Variants in SLC9A9 observed in about 807,000 individuals in gnomAD.
SLC9A9 encodes the protein solute carrier family 9 member A9.
Under a neutral mutation model 77.8 loss-of-function variants are expected in SLC9A9, and 62 were observed. The ratio of observed to expected loss-of-function variants is 0.80; its 90% CI spans 0.65 to 0.98. The LOEUF (loss-of-function observed/expected upper bound fraction) is 0.98, where lower values mean the gene tolerates loss of function less well. Ranked by LOEUF, SLC9A9 falls within the 50% of genes least tolerant of loss-of-function variation. The pLI, the probability that SLC9A9 is intolerant of heterozygous loss-of-function variation, is 0.00. For missense variants in SLC9A9, 775 were observed against 774.9 expected, an observed-to-expected ratio of 1.00 and a Z score of 0.00; for synonymous variants, 320 against 283.5, an observed-to-expected ratio of 1.13 and a Z score of -1.29.
chr3:143,776,150 T>C (rs1198785933), intron 4 of SLC9A9, among the ~76,000 whole-genome samples: 2 of 152,218 alleles, frequency 1.3e-5, no homozygotes, highest in African/African-American at 2.4e-5. Context: ...TCTGGCCTAA[T>C]TTATGATTGT....
chr3:143,444,704 G>GT (rs1559918505), intron 12 of SLC9A9, among the ~76,000 whole-genome samples: 1 of 152,210 alleles, frequency 6.6e-6, no homozygotes, highest in Non-Finnish European at 1.5e-5. Context: ...GCCACCAGGG[G>GT]TGAAGGGGCA....
At chr3:143,420,415 G>T (rs1177886341) in intron 12 of SLC9A9, among the ~76,000 whole-genome samples, 1 of 152,136 alleles carries the variant, frequency 6.6e-6, no homozygotes, top group Admixed American at 6.5e-5. Flanking sequence ...ATCCTTTCTT[G>T]CCAGAGCAGT....
At chr3:143,486,375 C>T (rs914870868) in intron 11 of SLC9A9, among the ~76,000 whole-genome samples, 2 of 151,974 alleles carry the variant, frequency 1.3e-5, no homozygotes, top group South Asian at 4.2e-4. Context: ...AAACAGAGAA[C>T]TCAGTAAAGG....
At chr3:143,369,621 C>T (rs1445532547) in intron 13 of SLC9A9, among the ~76,000 whole-genome samples, 2 of 151,552 alleles carry the variant, frequency 1.3e-5, no homozygotes, top group African/African-American at 2.4e-5. Flanking sequence ...TAAGTATGTA[C>T]AATTATTACG....
chr3:143,672,687 A>C (rs2039177529), intron 5 of SLC9A9, among the ~76,000 whole-genome samples: 1 of 152,156 alleles, frequency 6.6e-6, no homozygotes, highest in Admixed American at 6.5e-5. Context: ...GCTTGGTGCA[A>C]ATAACAGAGA....
intron 4 of SLC9A9, among the ~76,000 whole-genome samples, chr3:143,704,964 C>T (rs1439910746): frequency 1.5e-5 from 2 of 130,768 alleles, no homozygotes; most frequent in African/African-American, 2.8e-5. Context: ...TGCACTCCAG[C>T]CTGGGCAAGA....
chr3:143,438,304 G>A (rs896526374), intron 12 of SLC9A9, among the ~76,000 whole-genome samples: 4 of 152,196 alleles, frequency 2.6e-5, no homozygotes, highest in Admixed American at 6.5e-5. Context: ...CTCAAAATGG[G>A]GGCCCCAACT....
intron 4 of SLC9A9, among the ~76,000 whole-genome samples, chr3:143,704,359 G>A (rs6769738): frequency 0.53 from 80,425 of 151,216 alleles, 21,689 homozygotes; most frequent in Non-Finnish European, 0.57. Flanking sequence ...ATAACGCACT[G>A]AAAACATCAT....
intron 12 of SLC9A9, among the ~76,000 whole-genome samples, chr3:143,386,007 C>T (rs2108501314): frequency 6.6e-6 from 1 of 152,292 alleles, no homozygotes; most frequent in Non-Finnish European, 1.5e-5. Flanking sequence ...CGCTGGCTAC[C>T]ACTGAACTTG....
At chr3:143,810,629 T>C (rs940162248) in intron 2 of SLC9A9, among the ~76,000 whole-genome samples, 1 of 152,214 alleles carries the variant, frequency 6.6e-6, no homozygotes, top group African/African-American at 2.4e-5. Context: ...CAAGGAAACA[T>C]GAGGCTAACA....
chr3:143,661,892 A>G (rs114020994), intron 5 of SLC9A9, among the ~76,000 whole-genome samples: 2,249 of 147,760 alleles, frequency 0.015, 48 homozygotes, highest in African/African-American at 0.053. Context: ...GAGTTGTTCT[A>G]CTTGAAAAAC....
At chr3:143,623,724 T>C (rs1316284944) in intron 6 of SLC9A9, among the ~76,000 whole-genome samples, 2 of 151,724 alleles carry the variant, frequency 1.3e-5, no homozygotes, top group African/African-American at 2.4e-5. Context: ...CAAGAGCAAA[T>C]ACATTCAAAA....
chr3:143,611,071 T>C (rs1286888985), intron 6 of SLC9A9, among the ~76,000 whole-genome samples: 1 of 152,134 alleles, frequency 6.6e-6, no homozygotes, highest in Non-Finnish European at 1.5e-5. Context: ...CAAGAGAAGA[T>C]ATTGCATTCA....
intron 14 of SLC9A9, among the ~76,000 whole-genome samples, chr3:143,282,884 G>A (rs1208429398): frequency 6.6e-6 from 1 of 152,170 alleles, no homozygotes; most frequent in Non-Finnish European, 1.5e-5. Context: ...TAATCCTAAT[G>A]GATACTGGAT....
chr3:143,331,421 T>C (rs1448970569), intron 14 of SLC9A9, among the ~76,000 whole-genome samples: 1 of 152,212 alleles, frequency 6.6e-6, no homozygotes, highest in Non-Finnish European at 1.5e-5. Context: ...CGAGTTATTT[T>C]TGAGTCAGTG....
At chr3:143,809,899 G>A (rs1457324157) in intron 2 of SLC9A9, among the ~76,000 whole-genome samples, 1 of 152,130 alleles carries the variant, frequency 6.6e-6, no homozygotes, top group Non-Finnish European at 1.5e-5. Flanking sequence ...CAATTGGAGA[G>A]TACATTTATA....
intron 6 of SLC9A9, among the ~76,000 whole-genome samples, chr3:143,592,389 TCAA>T (rs1266867652): frequency 2.6e-5 from 4 of 152,234 alleles, no homozygotes; most frequent in South Asian, 2.1e-4. Flanking sequence ...AGACCCTGTC[TCAA>T]CAACAACAAC....
chr3:143,549,579 G>A (rs570127148), intron 9 of SLC9A9, among the ~76,000 whole-genome samples: 2 of 152,300 alleles, frequency 1.3e-5, no homozygotes, highest in South Asian at 4.1e-4. Flanking sequence ...GAAAGAACTT[G>A]TAACATTCTC....
intron 4 of SLC9A9, among the ~76,000 whole-genome samples, chr3:143,732,882 A>T (rs922247686): frequency 2.0e-5 from 3 of 152,244 alleles, no homozygotes; most frequent in African/African-American, 7.2e-5. Context: ...GGGCAAATTC[A>T]GTCGCAACAT....
Sources: gnomAD v4.1 joint callset for allele counts (sites outside exome capture counted in the v4.1 genomes callset) on GRCh38, gnomAD v4.1.1 for gene constraint, MANE v1.5 for transcripts, NCBI Gene and HGNC (gene_info 2026-07-23, HGNC 2026-07-21) for gene names.